Variants in SCAP observed in about 807,000 individuals in gnomAD.
SCAP encodes sterol regulatory element-binding protein cleavage-activating protein.
Under a neutral mutation model 123.6 loss-of-function variants are expected in SCAP, and 65 were observed. The observed-to-expected ratio is 0.53, with a 90% CI of 0.43 to 0.65. The LOEUF is 0.65. SCAP is among the 30% of genes least tolerant of loss of function. SCAP has a pLI of 0.00. For missense variants in SCAP, 1,398 were observed against 1,712.5 expected (o/e 0.82, Z 3.24); for synonymous variants, 740 against 726.3 (o/e 1.02, Z -0.30).
At chr3:47,418,955 C>A in intron 13 of SCAP, 112 bp from the exon 14 acceptor site, 1 of 1,142,278 alleles carries the variant, frequency 8.8e-7, no homozygotes, top group Non-Finnish European at 1.2e-6. Flanking sequence ...CTCCACCGGC[C>A]AGACTCTCCC....
chr3:47,455,653 A>T (rs1392146669), intron 1 of SCAP, among the ~76,000 whole-genome samples: 1 of 151,988 alleles, frequency 6.6e-6, no homozygotes. Flanking sequence ...CGAAAGACAG[A>T]AAAGATGACT....
At chr3:47,432,259 G>T (rs1210327867) in intron 3 of SCAP, among the ~76,000 whole-genome samples, 1 of 133,716 alleles carries the variant, frequency 7.5e-6, no homozygotes, top group East Asian at 2.3e-4. Flanking sequence ...GGAGGTTCCA[G>T]TGAGCTGAGA....
intron 1 of SCAP, among the ~76,000 whole-genome samples, chr3:47,457,975 T>C (rs1050213095): frequency 2.0e-5 from 3 of 151,322 alleles, no homozygotes; most frequent in Non-Finnish European, 4.4e-5. Context: ...GGGAGAATTT[T>C]CAGCAGATCA....
At position 47,420,827 on chromosome 3, in the gene SCAP, C is replaced by G. The variant is rs1490215209; in HGVS notation, c.1345-55G>C. ...GTCCACCATCCAGAGGCTGCTCGCACAGGACCGCTGTCCTGCCCGAGGTCT... is the reference window on the plus strand; with the variant it reads ...GTCCACCATCCAGAGGCTGCTCGCAGAGGACCGCTGTCCTGCCCGAGGTCT... On this transcript the variant is annotated intron_variant, in intron 11 of 22. Coordinates refer to ENST00000265565, the MANE Select transcript of SCAP (RefSeq NM_012235.4). This position sits in a 1 kb window ranked among gnomAD's most constrained non-coding sequence, Gnocchi z 5.0. The G allele has an allele frequency of 7.1e-6, 11 of 1,538,878 alleles. No individual in the cohort carries two copies. Among genetic ancestry groups the G allele is most frequent in the Non-Finnish European group, 9.7e-6 (11 of 1,134,056 alleles).
rs761258283 is a variant in SCAP at position 47,426,108 on chromosome 3, G to A, written c.799C>T (p.Arg267Trp). Reference protein sequence around the residue: ...LLHPSPNCSLRAESLVHVHFK... With the variant: ...LLHPSPNCSLWAESLVHVHFK... Reference sequence around the variant, plus strand: ...TGCACGTGGACCAGGCTCTCCGCCCGAAGGCTGCAGTTGGGGCTGGGGTGC... The same window carrying A: ...TGCACGTGGACCAGGCTCTCCGCCCAAAGGCTGCAGTTGGGGCTGGGGTGC... Residue 267 changes from arginine (R) to tryptophan (W), a missense_variant, in exon 7 of 23, where the codon CGG becomes TGG. Physicochemically the swap from Arg to Trp is moderately radical, Grantham distance 101. Coordinates refer to ENST00000265565, the MANE Select transcript of SCAP (RefSeq NM_012235.4). 34 of 1,613,880 alleles carry A rather than the reference G, an allele frequency of 2.1e-5. No homozygotes were observed. Among genetic ancestry groups the A allele is most frequent in the Admixed American group, 5.0e-5 (3 of 59,974 alleles).
chr3:47,461,723 T>G (rs901620171), intron 1 of SCAP, among the ~76,000 whole-genome samples: 1 of 152,044 alleles, frequency 6.6e-6, no homozygotes, highest in Non-Finnish European at 1.5e-5. Context: ...AACAAAATAA[T>G]GTGTTTTAAC....
In SCAP at chr3:47,418,246, T is replaced by A. The variant is rs1188310633; in HGVS notation, c.2335A>T (p.Ile779Phe). 14 of 1,564,340 alleles carry A rather than the reference T, an allele frequency of 8.9e-6. No homozygotes were observed. The highest frequency in any genetic ancestry group is 1.4e-5 in the African/African-American group (1 of 73,572). ...ATGCCGTCGCTGGCCAGGCACTCGA[T>A]GTCCTGCAGAAGCCCGGTGTTGGTA... The part of the protein sequence containing the change: ...PLVLRGHLMD[I>F]ECLASDGMLL... The change falls in exon 16 of 23, where the codon ATC becomes TTC. Residue 779 changes from isoleucine (I) to phenylalanine (F), a missense_variant. By Grantham distance (21) the Ile-to-Phe change is conservative. This residue lies in a region of SCAP where 828 missense variants were observed against 882.5 expected (regional missense o/e 0.94). Transcript: ENST00000265565.
intron 1 of SCAP, 185 bp from the exon 2 acceptor site, chr3:47,443,276 ACTCTCT>A (rs67862138): frequency 6.9e-5 from 5 of 72,148 alleles, no homozygotes; most frequent in African/African-American, 3.6e-4. Context: ...ACACACACAC[ACTCTCT>A]CTCTCTCTCT....
intron 1 of SCAP, among the ~76,000 whole-genome samples, chr3:47,445,191 T>C (rs922513947): frequency 6.6e-5 from 10 of 152,156 alleles, no homozygotes; most frequent in Admixed American, 2.6e-4. Flanking sequence ...TGAATAGTGC[T>C]GTGATGAACA....
chr3:47,425,223 C>T (rs1706073051), intron 8 of SCAP: 1 of 442,290 alleles, frequency 2.3e-6, no homozygotes, highest in African/African-American at 2.0e-5. Context: ...CCAACACACA[C>T]CCCTTATATA....
At chr3:47,438,731 T>C (rs1453806322) in intron 2 of SCAP, among the ~76,000 whole-genome samples, 2 of 151,846 alleles carry the variant, frequency 1.3e-5, no homozygotes, top group Non-Finnish European at 1.5e-5. Context: ...GGAGAATCGC[T>C]TGAACCCGGG....
At chr3:47,445,772 A>C (rs1352524085) in intron 1 of SCAP, among the ~76,000 whole-genome samples, 1 of 150,512 alleles carries the variant, frequency 6.6e-6, no homozygotes, top group African/African-American at 2.5e-5. Flanking sequence ...GGGTTTCACC[A>C]TGTTGGCCAG....
intron 1 of SCAP, among the ~76,000 whole-genome samples, chr3:47,467,963 T>C (rs1707893544): frequency 1.4e-5 from 2 of 146,758 alleles, no homozygotes; most frequent in South Asian, 2.3e-4. Context: ...AGTGAGAACA[T>C]GCGGTGTTTG....
At position 47,439,240 on chromosome 3, in the gene SCAP, C is replaced by A. The variant is rs745567428; in HGVS notation, c.122+3632G>T. On this transcript the variant is annotated intron_variant, in intron 2 of 22. Coordinates refer to ENST00000265565, the MANE Select transcript of SCAP (RefSeq NM_012235.4). This position sits in a 1 kb window ranked among gnomAD's most constrained non-coding sequence, Gnocchi z 4.0. ...TCTGGCCAACATGGTGAAACCCCGT[C>A]TCTACTAAAAATACAAAAAATAGCC... Among the ~76,000 whole-genome samples, 2 of 152,034 alleles carry A rather than the reference C, an allele frequency of 1.3e-5. No homozygotes were observed. The highest frequency in any genetic ancestry group is 2.9e-5 in the Non-Finnish European group (2 of 68,012).
chr3:47,418,668 C>A lies in SCAP; in HGVS notation c.2116G>T (p.Val706Phe). Residue 706 changes from valine to phenylalanine, a missense_variant, in exon 14 of 23, where the codon GTC becomes TTC. By Grantham distance (50) the Val-to-Phe change is conservative. Around this residue, in one of 7 missense-constraint regions of SCAP, gnomAD observed 828 missense variants for 882.5 expected, o/e 0.94. Coordinates refer to ENST00000265565, the MANE Select transcript of SCAP (RefSeq NM_012235.4). ...GPGGVQAHGD[V>F]TLYKVAALGL... ...CAGCAGCCTTACTTGTACAGCGTGA[C>A]GTCTCCATGGGCCTGCACCCCACCT... 2 of 1,385,198 alleles carry A rather than the reference C, an allele frequency of 1.4e-6. No individual in the cohort carries two copies. Among genetic ancestry groups the A allele is most frequent in the Non-Finnish European group, 1.9e-6 (2 of 1,028,682 alleles). 85.8% of individuals were successfully genotyped at this position (1,385,198 alleles called of 1,614,324 possible).
chr3:47,469,855 G>A (rs1707966781), intron 1 of SCAP: 1 of 573,234 alleles, frequency 1.7e-6, no homozygotes, highest in Non-Finnish European at 3.4e-6. Context: ...TGATCATAGT[G>A]CAAAGAGAGC....
intron 2 of SCAP, among the ~76,000 whole-genome samples, chr3:47,438,739 G>A (rs1283289191): frequency 1.3e-5 from 2 of 151,828 alleles, no homozygotes; most frequent in East Asian, 1.9e-4. Context: ...GCTTGAACCC[G>A]GGAGGTGGAG....
intron 1 of SCAP, among the ~76,000 whole-genome samples, chr3:47,467,860 T>C (rs1404864875): frequency 6.6e-6 from 1 of 151,892 alleles, no homozygotes; most frequent in African/African-American, 2.4e-5. Context: ...TATCTCCTAA[T>C]GCTATCCCTC....
At chr3:47,469,081 C>T (rs896511116) in intron 1 of SCAP, among the ~76,000 whole-genome samples, 1 of 152,212 alleles carries the variant, frequency 6.6e-6, no homozygotes, top group Non-Finnish European at 1.5e-5. Context: ...GGCACGTTGG[C>T]TCACACCTGC....
Sources: allele counts gnomAD v4.1 joint callset (sites outside exome capture counted in the v4.1 genomes callset), GRCh38; gene constraint gnomAD v4.1.1; regional missense constraint gnomAD v4.1.1; non-coding constraint Gnocchi (gnomAD v3.1); transcripts MANE v1.5; gene names NCBI Gene and HGNC (gene_info 2026-07-23, HGNC 2026-07-21).